RBM18: variants seen among roughly 807,000 people sequenced by gnomAD.
RBM18 encodes probable RNA-binding protein 18.
In RBM18, 18 loss-of-function variants were observed where a neutral mutation model predicts 26.4. That is an observed-to-expected ratio of 0.68 (90% confidence interval 0.47 to 1.01). The LOEUF is 1.01. RBM18 is among the 50% of genes least tolerant of loss of function. RBM18 has a pLI of 0.00. For missense variants in RBM18, 180 were observed against 219.2 expected, an observed-to-expected ratio of 0.82 and a Z score of 1.13; for synonymous variants, 74 against 81.1, an observed-to-expected ratio of 0.91 and a Z score of 0.47.
At chr9:122,247,120 C>T (rs926558918) in intron 4 of RBM18, among the ~76,000 whole-genome samples, 17 of 152,068 alleles carry the variant, frequency 1.1e-4, no homozygotes, top group East Asian at 1.9e-4. Flanking sequence ...ATGTCTCAAG[C>T]GTTTAGAATA....
chr9:122,245,209 G>T, intron 5 of RBM18, 47 bp downstream of exon 5: 2 of 1,088,944 alleles, frequency 1.8e-6, no homozygotes, highest in Non-Finnish European at 2.8e-6. Context: ...TAATGAAATG[G>T]CTGAAGCTCC....
rs1413344372 is a variant in RBM18, at chr9:122,238,425, G to A, written c.*3459C>T. On this transcript the variant is annotated 3_prime_UTR_variant, in exon 6 of 6. Transcript: ENST00000417201. ...TGACAGGTTGTAATTTTAAGAGGGA[G>A]GCCGGGGACTGCCTCTTGATCATTA... 6.6e-6 allele frequency: 1 copy of A among 152,222 alleles called. No individual in the cohort carries two copies. Among genetic ancestry groups the A allele is most frequent in the Non-Finnish European group, 1.5e-5 (1 of 68,048 alleles). 9.4% of individuals were successfully genotyped at this position (152,222 alleles called of 1,614,324 possible).
chr9:122,254,394 C>T (rs1388012082), intron 2 of RBM18: 1 of 677,898 alleles, frequency 1.5e-6, no homozygotes, highest in Non-Finnish European at 1.8e-6. Context: ...GAAATGTTTA[C>T]TATTTTGCTT....
At chr9:122,264,641 C>A (rs1831927083) in intron 1 of RBM18, 74 bp downstream of exon 1, 1 of 152,116 alleles carries the variant, frequency 6.6e-6, no homozygotes, top group South Asian at 2.1e-4. Context: ...TGCAGTCCTG[C>A]GAGGGCGGCC....
intron 2 of RBM18, among the ~76,000 whole-genome samples, chr9:122,253,542 T>G (rs1450165045): frequency 6.6e-6 from 1 of 152,130 alleles, no homozygotes; most frequent in Non-Finnish European, 1.5e-5. Flanking sequence ...TGCAAATGTG[T>G]GGTTTTACTT....
intron 1 of RBM18, among the ~76,000 whole-genome samples, chr9:122,263,558 C>T (rs1416046948): frequency 1.3e-5 from 2 of 152,168 alleles, no homozygotes. Flanking sequence ...CCTCTGGATG[C>T]TTGTATTTGG....
In RBM18 at chr9:122,241,683, A is replaced by G; in HGVS notation, c.*201T>C. 2.1e-6 allele frequency: 1 copy of G among 480,530 alleles called. No individual in the cohort carries two copies. Among genetic ancestry groups the G allele is most frequent in the East Asian group, 3.3e-5 (1 of 30,246 alleles). 29.8% of individuals were successfully genotyped at this position (480,530 alleles called of 1,614,324 possible). Reference sequence around the variant, plus strand: ...AAATCACAATTTGGGATACAACGCTATTTATTCTGGATGATGCTCAATTCC... The same window carrying G: ...AAATCACAATTTGGGATACAACGCTGTTTATTCTGGATGATGCTCAATTCC... On this transcript the variant is annotated 3_prime_UTR_variant, in exon 6 of 6. Transcript: ENST00000417201.
chr9:122,252,323 T>G lies in RBM18; in HGVS notation c.114-350A>C, dbSNP rs552326155. Among the ~76,000 whole-genome samples, 4 of 152,334 alleles carry G rather than the reference T, an allele frequency of 2.6e-5. No homozygotes were observed. In the South Asian group the frequency reaches 8.3e-4, roughly 32 times the overall value. On this transcript the variant is annotated intron_variant, in intron 2 of 5. Coordinates refer to ENST00000417201, the MANE Select transcript of RBM18 (RefSeq NM_033117.4). ...TTATTTATTTTTAATTCCTTGGCAATGAAATGGCATTTGTGAATAACTATA... is the reference window on the plus strand; with the variant it reads ...TTATTTATTTTTAATTCCTTGGCAAGGAAATGGCATTTGTGAATAACTATA...
intron 2 of RBM18, among the ~76,000 whole-genome samples, chr9:122,253,222 C>T (rs183475508): frequency 1.3e-5 from 2 of 152,048 alleles, no homozygotes; most frequent in Non-Finnish European, 2.9e-5. Context: ...GCAAGAATTT[C>T]CTTTGGGAGG....
chr9:122,253,591 A>C (rs1307541627), intron 2 of RBM18, among the ~76,000 whole-genome samples: 1 of 152,108 alleles, frequency 6.6e-6, no homozygotes, highest in Non-Finnish European at 1.5e-5. Flanking sequence ...TGAGTCTCTC[A>C]CACACAAAGA....
At chr9:122,247,428 G>C (rs1398899306) in intron 4 of RBM18, 90 bp downstream of exon 4, 12 of 1,060,454 alleles carry the variant, frequency 1.1e-5, no homozygotes, top group Admixed American at 1.0e-4. Context: ...GGTGTGAAGA[G>C]ATTGGGACAT....
At chr9:122,243,970 A>G (rs886706090) in intron 5 of RBM18, 41 of 565,410 alleles carry the variant, frequency 7.3e-5, no homozygotes, top group Non-Finnish European at 9.2e-5. Context: ...CATGAAGACC[A>G]CCAAGCATAA....
At chr9:122,249,211 A>G (rs912259492) in intron 3 of RBM18, among the ~76,000 whole-genome samples, 2 of 151,950 alleles carry the variant, frequency 1.3e-5, no homozygotes, top group Non-Finnish European at 2.9e-5. Context: ...TTATACTTTC[A>G]TCTATTCTCC....
At chr9:122,246,971 T>G (rs1831515623) in intron 4 of RBM18, among the ~76,000 whole-genome samples, 1 of 152,122 alleles carries the variant, frequency 6.6e-6, no homozygotes, top group African/African-American at 2.4e-5. Flanking sequence ...AATTACAGAA[T>G]GAACAGGGCA....
rs191969314 is a variant in RBM18, at chr9:122,243,501, C to A, written c.414-1458G>T. ...GGGAGAGGAGATCTTAGAGAAGTTG[C>A]GAGGAATTTGCTTTTGATTGAGATC... is the stretch of plus-strand genomic sequence containing the variant. On this transcript the variant is annotated intron_variant, in intron 5 of 5. Coordinates refer to ENST00000417201, the MANE Select transcript of RBM18 (RefSeq NM_033117.4). Among the ~76,000 whole-genome samples, 6 of 152,210 alleles carry A rather than the reference C, an allele frequency of 3.9e-5. No individual in the cohort carries two copies. In the East Asian group the frequency reaches 1.2e-3, roughly 29 times the overall value.
At chr9:122,263,433 C>T (rs1357073576) in intron 1 of RBM18, among the ~76,000 whole-genome samples, 1 of 152,214 alleles carries the variant, frequency 6.6e-6, no homozygotes, top group Admixed American at 6.5e-5. Flanking sequence ...CCTCTGCTTT[C>T]CTTTCCCCCT....
In RBM18 at chr9:122,264,434, C is replaced by G. The variant is rs576597328; in HGVS notation, c.-17+281G>C. 4.6e-5 allele frequency among the ~76,000 whole-genome samples: 7 copies of G among 152,330 alleles called. 1 individual carries two copies. The South Asian group carries it at 1.4e-3, about 32-fold the overall frequency. ...TCTTTCCAGCTGAGCTGCAATAACT[C>G]TGGAAGCCAGAAATAGTCATCTGGG... On this transcript the variant is annotated intron_variant, in intron 1 of 5. Coordinates refer to ENST00000417201, the MANE Select transcript of RBM18 (RefSeq NM_033117.4).
chr9:122,249,368 G>T (rs1043644310), intron 3 of RBM18, among the ~76,000 whole-genome samples: 1 of 152,104 alleles, frequency 6.6e-6, no homozygotes, highest in African/African-American at 2.4e-5. Flanking sequence ...CTAACCCAGT[G>T]TTTTTAAACC....
In RBM18 at chr9:122,261,373, G is replaced by A. The variant is rs1051090381; in HGVS notation, c.113+7C>T. The A allele has an allele frequency of 1.3e-6, 2 of 1,594,582 alleles. No homozygotes were observed. The highest frequency in any genetic ancestry group is 3.3e-5 in the Admixed American group (2 of 59,966). Reference sequence around the variant, plus strand: ...GTAGGTAAAAAACTAAGGTAACTTAGACTTACTCGGTAATTTTGGGGTCCA... The same window carrying A: ...GTAGGTAAAAAACTAAGGTAACTTAAACTTACTCGGTAATTTTGGGGTCCA... On this transcript the variant is annotated splice_region_variant and intron_variant, in intron 2 of 5. Coordinates refer to ENST00000417201, the MANE Select transcript of RBM18 (RefSeq NM_033117.4).
Sources: allele counts gnomAD v4.1 joint callset (sites outside exome capture counted in the v4.1 genomes callset), GRCh38; gene constraint gnomAD v4.1.1; transcripts MANE v1.5; gene names NCBI Gene and HGNC (gene_info 2026-07-23, HGNC 2026-07-21).